Variants in SV2C observed in about 807,000 individuals in gnomAD.
The protein encoded by SV2C is synaptic vesicle glycoprotein 2C.
Under a neutral mutation model 79.7 loss-of-function variants are expected in SV2C, and 49 were observed. The observed-to-expected ratio is 0.61, with a 90% CI of 0.49 to 0.78. The LOEUF (loss-of-function observed/expected upper bound fraction) is 0.78, where lower values mean the gene tolerates loss of function less well. Among genes scored for constraint, SV2C ranks in the 30% least tolerant of loss-of-function variants. The pLI is 0.00. For synonymous variants in SV2C, 334 were observed against 333.2 expected (o/e 1.00, Z -0.03); for missense variants, 833 against 912.9 (o/e 0.91, Z 1.13).
the SV2C span, among the ~76,000 whole-genome samples, chr5:75,854,009 A>C: frequency 6.6e-6 from 1 of 151,874 alleles, no homozygotes; most frequent in Non-Finnish European, 1.5e-5. Flanking sequence ...AAAAAAAAAA[A>C]AACCTCCTCT....
chr5:76,113,772 G>A (rs950132630), intron 1 of SV2C, among the ~76,000 whole-genome samples: 8 of 152,270 alleles, frequency 5.3e-5, no homozygotes, highest in African/African-American at 1.9e-4. Context: ...CATGTTGTTT[G>A]TGAATTAGTT....
chr5:76,091,594 G>A (rs927715348), intron 1 of SV2C: 4 of 152,160 alleles, frequency 2.6e-5, no homozygotes, highest in Non-Finnish European at 5.9e-5. Flanking sequence ...ACAGTGTACT[G>A]TATTTACAAT....
intron 2 of SV2C, among the ~76,000 whole-genome samples, chr5:76,176,379 C>T (rs10043982): frequency 0.46 from 70,180 of 151,784 alleles, 16,389 homozygotes; most frequent in East Asian, 0.63. Context: ...TGACATGCTC[C>T]AGGACACACA....
chr5:76,125,696 A>G (rs1287393698), intron 1 of SV2C, among the ~76,000 whole-genome samples: 1 of 152,202 alleles, frequency 6.6e-6, no homozygotes, highest in Non-Finnish European at 1.5e-5. Context: ...CTACTGATCC[A>G]GACAACTGCC....
At chr5:76,316,093 C>G (rs1748607245) in intron 12 of SV2C, among the ~76,000 whole-genome samples, 1 of 151,954 alleles carries the variant, frequency 6.6e-6, no homozygotes, top group South Asian at 2.1e-4. Context: ...TTAAACAAAA[C>G]ATCAACATGA....
chr5:75,933,587 G>A, the SV2C span, among the ~76,000 whole-genome samples: 1 of 152,130 alleles, frequency 6.6e-6, no homozygotes, highest in African/African-American at 2.4e-5. Flanking sequence ...ACTACCCTAG[G>A]GCAGGACCAT....
At chr5:76,083,023 T>C (rs990658098), upstream of SV2C, 12 of 152,464 alleles carry the variant, frequency 7.9e-5, no homozygotes, top group African/African-American at 2.4e-4. Context: ...ACAGTCACAG[T>C]TGGTGACTAA....
At position 76,221,426 on chromosome 5, in the gene SV2C, C is replaced by A. The variant is rs928168444; in HGVS notation, c.913+11539C>A. ...GCTTTTAATATTGTTAGATTTTCTTCCAAAGTCATGGGGAGTCGCTGTCTT... is the reference window on the plus strand; with the variant it reads ...GCTTTTAATATTGTTAGATTTTCTTACAAAGTCATGGGGAGTCGCTGTCTT... On this transcript the variant is annotated intron_variant, in intron 4 of 12. Transcript: ENST00000502798. Among the ~76,000 whole-genome samples the A allele has an allele frequency of 5.9e-5, 9 of 152,160 alleles. No individual in the cohort carries two copies. In the East Asian group the frequency reaches 1.2e-3, roughly 20 times the overall value.
At chr5:76,129,718 A>G (rs1310297864) in intron 1 of SV2C, among the ~76,000 whole-genome samples, 1 of 152,160 alleles carries the variant, frequency 6.6e-6, no homozygotes, top group Non-Finnish European at 1.5e-5. Context: ...CAGTCAGTTG[A>G]TATACAATTT....
the SV2C span, among the ~76,000 whole-genome samples, chr5:75,982,913 T>A: frequency 6.6e-6 from 1 of 152,150 alleles, no homozygotes; most frequent in Non-Finnish European, 1.5e-5. Flanking sequence ...AGCTGAATGA[T>A]GAGAACACAT....
chr5:75,852,418 GA>G, the SV2C span, among the ~76,000 whole-genome samples: 6 of 152,016 alleles, frequency 3.9e-5, no homozygotes, highest in Non-Finnish European at 5.9e-5. Flanking sequence ...ACCAGAGGGG[GA>G]AAAAAGGTGT....
At chr5:76,051,382 T>C in the SV2C span, among the ~76,000 whole-genome samples, 7 of 152,344 alleles carry the variant, frequency 4.6e-5, no homozygotes, top group Non-Finnish European at 5.9e-5. Flanking sequence ...ATGTGTCATA[T>C]AGATGTTCAT....
At chr5:76,022,271 T>C in the SV2C span, among the ~76,000 whole-genome samples, 1 of 152,324 alleles carries the variant, frequency 6.6e-6, no homozygotes, top group South Asian at 2.1e-4. Flanking sequence ...CCCAAGTACC[T>C]GACTGCCCAT....
chr5:76,277,253 T>C (rs1232191437), intron 4 of SV2C, among the ~76,000 whole-genome samples: 1 of 152,194 alleles, frequency 6.6e-6, no homozygotes, highest in Non-Finnish European at 1.5e-5. Flanking sequence ...TCCTACATAT[T>C]TACCCAAGGA....
At position 76,295,835 on chromosome 5, in the gene SV2C, A is replaced by T. The variant is rs376608894; in HGVS notation, c.1395A>T (p.Glu465Asp). The T allele has an allele frequency of 6.2e-7, 1 of 1,613,674 alleles. No individual in the cohort carries two copies. The highest frequency in any genetic ancestry group is 1.3e-5 in the African/African-American group (1 of 75,026). Residue 465 changes from glutamate (E) to aspartate (D), a missense_variant, in exon 9 of 13, where the codon GAA (glutamate) becomes GAT (aspartate). Physicochemically the swap from Glu to Asp is conservative, Grantham distance 45. Coordinates refer to ENST00000502798, the MANE Select transcript of SV2C (RefSeq NM_014979.4). ...TCATTAAACCTCTGCAGTCCGATGA[A>T]TATGCATTGCTAACCAGAAATGTGG... ...PDVIKPLQSDEYALLTRNVER... is the reference protein window; with the variant it reads ...PDVIKPLQSDDYALLTRNVER...
chr5:76,085,709 A>G (rs1044534857), intron 1 of SV2C, among the ~76,000 whole-genome samples: 8 of 152,078 alleles, frequency 5.3e-5, no homozygotes, highest in African/African-American at 1.9e-4. Flanking sequence ...AATAGCTTAT[A>G]CTAGCTCTTA....
chr5:76,290,989 T>C (rs1391135716), intron 6 of SV2C, among the ~76,000 whole-genome samples: 1 of 152,220 alleles, frequency 6.6e-6, no homozygotes, highest in Non-Finnish European at 1.5e-5. Flanking sequence ...CTACTTGCCC[T>C]TCCCCCATTT....
the SV2C span, among the ~76,000 whole-genome samples, chr5:75,982,693 G>A: frequency 6.6e-6 from 1 of 152,154 alleles, no homozygotes; most frequent in South Asian, 2.1e-4. Flanking sequence ...ATTCACAATA[G>A]CAAAGACATG....
intron 4 of SV2C, among the ~76,000 whole-genome samples, chr5:76,245,971 T>C (rs1211181200): frequency 1.3e-5 from 2 of 150,674 alleles, no homozygotes; most frequent in South Asian, 2.1e-4. Context: ...TGTTAAAGGG[T>C]ATAAACAGGA....
Sources: gnomAD v4.1 joint callset for allele counts (sites outside exome capture counted in the v4.1 genomes callset) on GRCh38, gnomAD v4.1.1 for gene constraint, MANE v1.5 for transcripts, NCBI Gene and HGNC (gene_info 2026-07-23, HGNC 2026-07-21) for gene names.